CSMD1: variants seen among roughly 807,000 people sequenced by gnomAD.
CSMD1 encodes the protein CUB and Sushi multiple domains 1.
Under a neutral mutation model 417.5 loss-of-function variants are expected in CSMD1, and 213 were observed. The ratio of observed to expected loss-of-function variants is 0.51; its 90% confidence interval spans 0.46 to 0.57. The LOEUF (loss-of-function observed/expected upper bound fraction) is 0.57, where lower values mean the gene tolerates loss of function less well. Among genes scored for constraint, CSMD1 ranks in the 20% least tolerant of loss-of-function variants. The pLI is 0.00. For missense variants in CSMD1, 6,923 were observed against 4,529.7 expected, an observed-to-expected ratio of 1.53 and a Z score of -15.17; for synonymous variants, 2,862 against 1,736.8, an observed-to-expected ratio of 1.65 and a Z score of -16.11.
intron 1 of CSMD1, among the ~76,000 whole-genome samples, chr8:4,711,322 T>C (rs1169352115): frequency 6.6e-6 from 1 of 152,166 alleles, no homozygotes; most frequent in African/African-American, 2.4e-5. Context: ...GAAGGGCAAA[T>C]TAAACCTTTG....
chr8:4,208,730 G>T (rs1030005776), intron 3 of CSMD1, among the ~76,000 whole-genome samples: 20 of 152,124 alleles, frequency 1.3e-4, no homozygotes, highest in Non-Finnish European at 2.6e-4. Flanking sequence ...GCAATAAAAA[G>T]CATGGAATAT....
In CSMD1 at chr8:4,785,224, TG is replaced by T. The variant is rs1218605792; in HGVS notation, c.86-147667del. The stretch of plus-strand genomic sequence containing the variant: ...GCTCCTAGAAGATTGTACCAGCTCA[TG>T]CCTGTTAGTCTAGAGCAGTCATGAG... On this transcript the variant is annotated intron_variant, in intron 1 of 69. Coordinates refer to ENST00000635120, the MANE Select transcript of CSMD1 (RefSeq NM_033225.6). 5.3e-5 allele frequency among the ~76,000 whole-genome samples: 8 copies of T among 152,194 alleles called. 1 individual carries two copies. Among genetic ancestry groups the T allele is most frequent in the Admixed American group, 2.6e-4 (4 of 15,288 alleles).
chr8:3,325,652 C>T (rs574156353), intron 23 of CSMD1, among the ~76,000 whole-genome samples: 4 of 152,110 alleles, frequency 2.6e-5, no homozygotes, highest in Admixed American at 1.3e-4. Context: ...GGTGAAACCC[C>T]GTCTCTACTA....
intron 3 of CSMD1, among the ~76,000 whole-genome samples, chr8:4,251,634 G>A (rs1384020037): frequency 5.3e-5 from 8 of 152,158 alleles, no homozygotes; most frequent in Non-Finnish European, 2.9e-5. Flanking sequence ...CACACTGGCA[G>A]CTGAATCATG....
chr8:4,603,712 G>T (rs538022864), intron 2 of CSMD1, among the ~76,000 whole-genome samples: 3 of 152,098 alleles, frequency 2.0e-5, no homozygotes, highest in South Asian at 2.1e-4. Context: ...TCTAAATGTT[G>T]GCTTGTATGC....
At chr8:2,975,052 T>C (rs1474984468) in intron 55 of CSMD1, among the ~76,000 whole-genome samples, 2 of 152,224 alleles carry the variant, frequency 1.3e-5, no homozygotes, top group East Asian at 1.9e-4. Context: ...CTTGCGGACA[T>C]GATTCTGTCA....
chr8:3,370,819 A>T (rs144613287), intron 18 of CSMD1, among the ~76,000 whole-genome samples: 1 of 152,160 alleles, frequency 6.6e-6, no homozygotes, highest in South Asian at 2.1e-4. Flanking sequence ...TATCAAAAAT[A>T]TAAATTATTA....
intron 3 of CSMD1, among the ~76,000 whole-genome samples, chr8:4,283,742 G>A (rs779121): frequency 0.93 from 141,486 of 152,048 alleles, 66,694 homozygotes; most frequent in East Asian, 1. Context: ...GAATGCATGA[G>A]TGTTTTATCA....
intron 5 of CSMD1, among the ~76,000 whole-genome samples, chr8:3,997,296 T>G (rs563594331): frequency 6.6e-6 from 1 of 152,204 alleles, no homozygotes; most frequent in Non-Finnish European, 1.5e-5. Flanking sequence ...CACTCCTAAA[T>G]AGGCGGTACT....
chr8:3,974,561 C>G (rs1813298117), intron 5 of CSMD1, among the ~76,000 whole-genome samples: 1 of 151,924 alleles, frequency 6.6e-6, no homozygotes, highest in Non-Finnish European at 1.5e-5. Flanking sequence ...TAAATGTTTG[C>G]TTTCAGAACT....
At chr8:3,467,161 TAGA>T (rs1816833710) in intron 12 of CSMD1, among the ~76,000 whole-genome samples, 1 of 152,176 alleles carries the variant, frequency 6.6e-6, no homozygotes, top group Non-Finnish European at 1.5e-5. Flanking sequence ...ATATGACACA[TAGA>T]AGAATGTTTA....
chr8:3,119,668 G>C (rs1177193742), intron 41 of CSMD1, among the ~76,000 whole-genome samples: 2 of 152,146 alleles, frequency 1.3e-5, no homozygotes, highest in Admixed American at 1.3e-4. Flanking sequence ...GGAAGAGGGC[G>C]TGAGTACTCA....
chr8:3,967,838 CT>C (rs1812789371), intron 5 of CSMD1, among the ~76,000 whole-genome samples: 2 of 152,006 alleles, frequency 1.3e-5, no homozygotes, highest in African/African-American at 4.8e-5. Flanking sequence ...AGGAAAGTAA[CT>C]TATGATGACA....
At chr8:3,215,779 A>T (rs1797846872) in intron 29 of CSMD1, among the ~76,000 whole-genome samples, 1 of 152,126 alleles carries the variant, frequency 6.6e-6, no homozygotes, top group Non-Finnish European at 1.5e-5. Flanking sequence ...GAAATAGATA[A>T]ATATAATGGG....
At chr8:3,356,474 A>C (rs1808799258) in intron 21 of CSMD1, among the ~76,000 whole-genome samples, 1 of 152,204 alleles carries the variant, frequency 6.6e-6, no homozygotes, top group South Asian at 2.1e-4. Flanking sequence ...CAGGAGTCCG[A>C]GACCAGCCTG....
Position 2,966,563 on chromosome 8 carries a change from T to C in CSMD1, c.9100+7A>G, listed in dbSNP as rs1473791878. 5 of 1,611,708 alleles carry C rather than the reference T, an allele frequency of 3.1e-6. No individual in the cohort carries two copies. Among genetic ancestry groups the C allele is most frequent in the Non-Finnish European group, 4.2e-6 (5 of 1,178,290 alleles). ...GTCTGAGTCTACCATGATGTCTGCT[T>C]ACTAACTTGTGCAGTCGGGAGCAGT... On this transcript the variant is annotated splice_region_variant and intron_variant, in intron 58 of 69. Coordinates refer to ENST00000635120, the MANE Select transcript of CSMD1 (RefSeq NM_033225.6).
chr8:3,409,331 C>A (rs1180374605), intron 13 of CSMD1, 92 bp downstream of exon 13: 1 of 1,227,626 alleles, frequency 8.1e-7, no homozygotes, highest in South Asian at 2.4e-5. Context: ...AAGCTGCCCT[C>A]CCTAAATGGG....
chr8:4,016,754 G>A (rs1287034950), intron 4 of CSMD1, among the ~76,000 whole-genome samples: 4 of 152,164 alleles, frequency 2.6e-5, no homozygotes, highest in Non-Finnish European at 5.9e-5. Flanking sequence ...TGGGTTAAGG[G>A]CTCTGTTGAC....
intron 23 of CSMD1, among the ~76,000 whole-genome samples, chr8:3,326,855 T>C (rs1005257664): frequency 1.2e-4 from 19 of 152,040 alleles, no homozygotes; most frequent in African/African-American, 4.3e-4. Flanking sequence ...TCTTACAAGG[T>C]GTAAGTTTAT....
Sources: gnomAD v4.1 joint callset for allele counts (sites outside exome capture counted in the v4.1 genomes callset) on GRCh38, gnomAD v4.1.1 for gene constraint, MANE v1.5 for transcripts, NCBI Gene and HGNC (gene_info 2026-07-23, HGNC 2026-07-21) for gene names.